The following RBFOX1 variants were observed in gnomAD, a reference collection of about 807,000 sequenced individuals.
The protein encoded by RBFOX1 is RNA binding fox-1 homolog 1.
A neutral mutation model predicts 57.7 loss-of-function variants in RBFOX1; 8 were observed. That is an observed-to-expected ratio of 0.14 (90% CI 0.08 to 0.25). The LOEUF (loss-of-function observed/expected upper bound fraction) is 0.25, where lower values mean the gene tolerates loss of function less well. Among genes scored for constraint, RBFOX1 ranks in the 10% least tolerant of loss-of-function variants. The pLI is 1.00. For synonymous variants in RBFOX1, 326 were observed against 222.4 expected (o/e 1.47, Z -4.15); for missense variants, 611 against 548.5 (o/e 1.11, Z -1.14).
chr16:7,101,966 C>G (rs1049188465), intron 4 of RBFOX1, among the ~76,000 whole-genome samples: 2 of 152,122 alleles, frequency 1.3e-5, no homozygotes, highest in Admixed American at 6.5e-5. Context: ...TACCACAAGC[C>G]TAGTGCTGTA....
At chr16:6,110,294 C>T (rs944177602) in intron 1 of RBFOX1, among the ~76,000 whole-genome samples, 7 of 148,428 alleles carry the variant, frequency 4.7e-5, no homozygotes, top group Non-Finnish European at 7.4e-5. Context: ...CATCACAATT[C>T]TCTATAGCTT....
intron 2 of RBFOX1, among the ~76,000 whole-genome samples, chr16:6,557,034 CACATATATAT>C (rs1329360578): frequency 7.0e-4 from 50 of 71,050 alleles, no homozygotes; most frequent in East Asian, 4.7e-3. Flanking sequence ...TACATATATA[CACATATATAT>C]ACATATATAT....
At chr16:6,236,816 C>T (rs17139646) in intron 1 of RBFOX1, among the ~76,000 whole-genome samples, 28,504 of 151,874 alleles carry the variant, frequency 0.19, 3,218 homozygotes, top group African/African-American at 0.32. Context: ...AAAATGTATC[C>T]GTAAGAGCAA....
At chr16:5,514,506 T>G (rs1188622396) in intron 2 of RBFOX1, among the ~76,000 whole-genome samples, 1 of 152,100 alleles carries the variant, frequency 6.6e-6, no homozygotes, top group Non-Finnish European at 1.5e-5. Context: ...GCCTCTTTAG[T>G]GAGAGGAGCC....
At chr16:6,108,840 G>A (rs1025978741) in intron 1 of RBFOX1, among the ~76,000 whole-genome samples, 7 of 151,694 alleles carry the variant, frequency 4.6e-5, no homozygotes, top group Admixed American at 1.3e-4. Context: ...TTCTGTACAC[G>A]TCTGATCTCC....
chr16:7,173,136 A>C (rs1208186078), intron 4 of RBFOX1, among the ~76,000 whole-genome samples: 1 of 152,216 alleles, frequency 6.6e-6, no homozygotes, highest in East Asian at 1.9e-4. Flanking sequence ...TTCATATTTC[A>C]TAAAATCTTA....
At chr16:7,395,472 G>A (rs976715734) in intron 4 of RBFOX1, among the ~76,000 whole-genome samples, 1 of 152,232 alleles carries the variant, frequency 6.6e-6, no homozygotes, top group Non-Finnish European at 1.5e-5. Flanking sequence ...TTTATCTGCA[G>A]TAAGAACATT....
chr16:5,579,221 C>T (rs2046577472), intron 2 of RBFOX1, among the ~76,000 whole-genome samples: 1 of 152,042 alleles, frequency 6.6e-6, no homozygotes, highest in Admixed American at 6.6e-5. Context: ...CCACTAGGAT[C>T]GCCAGGCTCA....
chr16:6,039,949 G>C (rs1172024914), intron 1 of RBFOX1, among the ~76,000 whole-genome samples: 3 of 152,124 alleles, frequency 2.0e-5, no homozygotes, highest in Admixed American at 6.5e-5. Flanking sequence ...TCAATTCCCT[G>C]CCACATGTGC....
At chr16:6,986,082 A>G (rs2090188671) in intron 3 of RBFOX1, among the ~76,000 whole-genome samples, 1 of 151,690 alleles carries the variant, frequency 6.6e-6, no homozygotes, top group Non-Finnish European at 1.5e-5. Context: ...AAAAATGTGC[A>G]ATATTTTTTC....
intron 1 of RBFOX1, among the ~76,000 whole-genome samples, chr16:5,376,880 A>G (rs1366633786): frequency 4.0e-5 from 6 of 150,062 alleles, no homozygotes; most frequent in Non-Finnish European, 8.9e-5. Context: ...GTCATCTCCA[A>G]GTGGCCCCTG....
intron 3 of RBFOX1, among the ~76,000 whole-genome samples, chr16:6,934,965 G>T (rs2077131022): frequency 6.6e-6 from 1 of 152,074 alleles, no homozygotes; most frequent in Admixed American, 6.6e-5. Context: ...GCATTTGCCT[G>T]TGGTTCCAGC....
intron 2 of RBFOX1, among the ~76,000 whole-genome samples, chr16:5,590,345 C>T (rs754025566): frequency 6.6e-6 from 1 of 152,106 alleles, no homozygotes; most frequent in Non-Finnish European, 1.5e-5. Context: ...AATTTTATCT[C>T]TCATTTGAAA....
chr16:6,290,051 T>C (rs2077303745), intron 1 of RBFOX1, among the ~76,000 whole-genome samples: 1 of 152,018 alleles, frequency 6.6e-6, no homozygotes, highest in South Asian at 2.1e-4. Flanking sequence ...GGGGAAGACA[T>C]TTAGAAATTT....
At chr16:5,535,673 C>T (rs2044665797) in intron 2 of RBFOX1, among the ~76,000 whole-genome samples, 1 of 152,170 alleles carries the variant, frequency 6.6e-6, no homozygotes, top group South Asian at 2.1e-4. Flanking sequence ...TTCTTGATTG[C>T]AGAATTTGGG....
chr16:5,781,904 A>AT (rs1198850952), intron 3 of RBFOX1, among the ~76,000 whole-genome samples: 1 of 152,198 alleles, frequency 6.6e-6, no homozygotes, highest in Non-Finnish European at 1.5e-5. Context: ...AGACAGGGTA[A>AT]TTTATAAAGA....
intron 2 of RBFOX1, among the ~76,000 whole-genome samples, chr16:5,590,074 C>A (rs1293576989): frequency 4.2e-4 from 41 of 97,718 alleles, no homozygotes; most frequent in Admixed American, 1.9e-3. Flanking sequence ...CACACACACA[C>A]ACAAAAAGGG....
intron 3 of RBFOX1, among the ~76,000 whole-genome samples, chr16:6,712,735 C>T (rs1291929178): frequency 6.6e-6 from 1 of 152,152 alleles, no homozygotes; most frequent in African/African-American, 2.4e-5. Context: ...CCCCTCCTAT[C>T]ACCTGGCAGC....
intron 1 of RBFOX1, among the ~76,000 whole-genome samples, chr16:6,122,046 C>T (rs2096554086): frequency 6.6e-6 from 1 of 152,146 alleles, no homozygotes; most frequent in Non-Finnish European, 1.5e-5. Flanking sequence ...GCTGGGACTA[C>T]AGGCATGCAC....
Sources: gnomAD v4.1 joint callset for allele counts (sites outside exome capture counted in the v4.1 genomes callset) on GRCh38, gnomAD v4.1.1 for gene constraint, MANE v1.5 for transcripts, NCBI Gene and HGNC (gene_info 2026-07-23, HGNC 2026-07-21) for gene names.